The following SLC26A3 variants were observed in gnomAD, a reference collection of about 807,000 sequenced individuals.
The protein encoded by SLC26A3 is chloride anion exchanger.
Under a neutral mutation model 85.6 loss-of-function variants are expected in SLC26A3, and 64 were observed. The ratio of observed to expected loss-of-function variants is 0.75; its 90% CI spans 0.61 to 0.92. The LOEUF (loss-of-function observed/expected upper bound fraction) is 0.92. Ranked by LOEUF, SLC26A3 falls within the 40% of genes least tolerant of loss-of-function variation. The pLI is 0.00. For missense variants in SLC26A3, 922 were observed against 927.3 expected (o/e 0.99, Z 0.07); for synonymous variants, 349 against 336.0 (o/e 1.04, Z -0.42).
At position 107,774,159 on chromosome 7, in the gene SLC26A3, G is replaced by T; in HGVS notation, c.1774-6C>A. 1.3e-6 allele frequency: 2 copies of T among 1,591,352 alleles called. No homozygotes were observed. The highest frequency in any genetic ancestry group is 1.7e-6 in the Non-Finnish European group (2 of 1,159,214). On this transcript the variant is annotated splice_polypyrimidine_tract_variant and splice_region_variant and intron_variant, in intron 16 of 20. Transcript: ENST00000340010. The stretch of plus-strand genomic sequence containing the variant: ...ACAGTACATATAAATCCTTTCTGCA[G>T]GAGAGGATAACAAGTATGAAAACTG...
At position 107,776,596 on chromosome 7, in the gene SLC26A3, TATCATTTAGCAAGTCAAA is replaced by T. The variant is rs763792490; in HGVS notation, c.1584+23_1584+40del. 2.5e-6 allele frequency: 4 copies of T among 1,606,702 alleles called. No homozygotes were observed. In the South Asian group the frequency reaches 4.4e-5, roughly 18 times the overall value. On this transcript the variant is annotated intron_variant, in intron 14 of 20. Coordinates refer to ENST00000340010, the MANE Select transcript of SLC26A3 (RefSeq NM_000111.3). ...TGTTGCCCATTAGATCCATAGTTAA[TATCATTTAGCAAGTCAAA>T]GAAAAACATGAATCTCCCTTACATC...
intron 8 of SLC26A3, among the ~76,000 whole-genome samples, chr7:107,784,637 G>C (rs929141481): frequency 3.9e-5 from 6 of 152,116 alleles, no homozygotes; most frequent in African/African-American, 1.4e-4. Flanking sequence ...TTGCCATGTT[G>C]GCCAGGATGG....
In SLC26A3 at chr7:107,767,664, A is replaced by G. The variant is rs1375181540; in HGVS notation, c.2206-20T>C. 3.1e-6 allele frequency: 5 copies of G among 1,606,456 alleles called. No homozygotes were observed. The highest frequency in any genetic ancestry group is 1.3e-5 in the African/African-American group (1 of 74,750). On this transcript the variant is annotated intron_variant, in intron 19 of 20. Coordinates refer to ENST00000340010, the MANE Select transcript of SLC26A3 (RefSeq NM_000111.3). ...TTTTTCCTGAGAAAAAGAGAATGGA[A>G]ATATGGATTAGGGGCTGATTTTTTT...
At position 107,783,065 on chromosome 7, in the gene SLC26A3, A is replaced by G. The variant is rs1794237265; in HGVS notation, c.1148T>C (p.Ile383Thr). 2 of 1,614,070 alleles carry G rather than the reference A, an allele frequency of 1.2e-6. No homozygotes were observed. The highest frequency in any genetic ancestry group is 1.3e-5 in the African/African-American group (1 of 74,944). The change falls in exon 10 of 21, where the codon ATA becomes ACA. Residue 383 changes from isoleucine to threonine, a missense_variant. Transcript: ENST00000340010. ...AAATCCTCTGAATACTCCACAGACT[A>G]TGTTACCCAGTCCCAAGGCTATTAA... ...QELIALGLGN[I>T]VCGVFRGFAG...
At chr7:107,786,408 C>T (rs943487740) in intron 8 of SLC26A3, among the ~76,000 whole-genome samples, 1 of 152,082 alleles carries the variant, frequency 6.6e-6, no homozygotes, top group Non-Finnish European at 1.5e-5. Context: ...GTGATCCTCT[C>T]ACCTTGGCCT....
chr7:107,782,980 C>G lies in SLC26A3; in HGVS notation c.1233G>C (p.Gln411His). The part of the protein sequence containing the change: ...AVQESTGGKT[Q>H]IAGLIGAIIV... ...GCTTGCAGCAAAGATCTTGACATAC[C>G]TGTGTTTTGCCTCCTGTGCTCTCCT... Residue 411 changes from glutamine to histidine, a missense_variant and splice_region_variant, in exon 10 of 21, where the codon CAG becomes CAC. Coordinates refer to ENST00000340010, the MANE Select transcript of SLC26A3 (RefSeq NM_000111.3). 1 of 1,613,924 alleles carries G rather than the reference C, an allele frequency of 6.2e-7. No individual in the cohort carries two copies. The highest frequency in any genetic ancestry group is 8.5e-7 in the Non-Finnish European group (1 of 1,179,804).
At chr7:107,777,641 G>A (rs1372719841) in intron 13 of SLC26A3, among the ~76,000 whole-genome samples, 1 of 152,060 alleles carries the variant, frequency 6.6e-6, no homozygotes, top group African/African-American at 2.4e-5. Flanking sequence ...TGCTTGGACT[G>A]AATGATTATT....
chr7:107,797,516 A>AAAGAAAAGAG (rs1794527910), intron 1 of SLC26A3, among the ~76,000 whole-genome samples: 1 of 151,600 alleles, frequency 6.6e-6, no homozygotes, highest in African/African-American at 2.4e-5. Context: ...AAAGAAAAGA[A>AAAGAAAAGAG]ATCTTTCCAG....
At chr7:107,767,262 C>T (rs891093472) in intron 20 of SLC26A3, among the ~76,000 whole-genome samples, 2 of 152,148 alleles carry the variant, frequency 1.3e-5, no homozygotes, top group Non-Finnish European at 2.9e-5. Flanking sequence ...ACCTTCCCTG[C>T]TACGTGGATT....
chr7:107,788,751 TTTTTC>T (rs1247447126), intron 6 of SLC26A3, among the ~76,000 whole-genome samples: 3 of 151,420 alleles, frequency 2.0e-5, no homozygotes, highest in African/African-American at 2.4e-5. Context: ...TTCGTTTCCT[TTTTTC>T]TTTTCTTTTC....
intron 1 of SLC26A3, among the ~76,000 whole-genome samples, chr7:107,801,197 C>T (rs1794593920): frequency 6.6e-6 from 1 of 152,214 alleles, no homozygotes; most frequent in African/African-American, 2.4e-5. Flanking sequence ...AAATGACTTT[C>T]TCAACTTCCC....
intron 18 of SLC26A3, among the ~76,000 whole-genome samples, chr7:107,771,376 A>G (rs1794028060): frequency 1.3e-5 from 2 of 152,208 alleles, no homozygotes; most frequent in Admixed American, 1.3e-4. Flanking sequence ...ATTAACAAGT[A>G]GATGCACATG....
chr7:107,772,252 A>T, intron 17 of SLC26A3, 144 bp from the exon 18 acceptor site: 1 of 638,924 alleles, frequency 1.6e-6, no homozygotes, highest in South Asian at 1.8e-5. Flanking sequence ...GTGTCAGAAG[A>T]TACTAAAGTT....
intron 5 of SLC26A3, among the ~76,000 whole-genome samples, chr7:107,789,966 T>G (rs1207769599): frequency 6.6e-6 from 1 of 152,190 alleles, no homozygotes; most frequent in Non-Finnish European, 1.5e-5. Flanking sequence ...TATTTGCACT[T>G]AATTTATTTT....
At chr7:107,787,735 A>G (rs1168100608) in intron 6 of SLC26A3, among the ~76,000 whole-genome samples, 1 of 152,204 alleles carries the variant, frequency 6.6e-6, no homozygotes, top group Non-Finnish European at 1.5e-5. Flanking sequence ...CACTAGTTTA[A>G]GAATGCTTCT....
intron 15 of SLC26A3, 93 bp downstream of exon 15, chr7:107,776,359 C>A: frequency 9.4e-7 from 1 of 1,061,682 alleles, no homozygotes; most frequent in Non-Finnish European, 1.5e-6. Context: ...ATATGTGACA[C>A]AACCCAGTCT....
At position 107,783,238 on chromosome 7, in the gene SLC26A3, G is replaced by A. The variant is rs1228740619; in HGVS notation, c.1086C>T (p.Ser362=). 1.9e-6 allele frequency: 3 copies of A among 1,614,156 alleles called. No individual in the cohort carries two copies. Among genetic ancestry groups the A allele is most frequent in the Non-Finnish European group, 1.7e-6 (2 of 1,180,018 alleles). ...CATCAAGTGGATAATCGTATTTGAG[G>A]GAATAGACGCTGGCAACTGAAAAGG... ...AVAFSVASVY[S]LKYDYPLDGN... Residue 362 remains serine (S), a synonymous_variant, in exon 9 of 21, where the codon TCC becomes TCT. Transcript: ENST00000340010.
At chr7:107,793,973 CTAAAGAT>C in intron 2 of SLC26A3, 92 bp from the exon 3 acceptor site, 2 of 1,515,024 alleles carry the variant, frequency 1.3e-6, no homozygotes, top group Non-Finnish European at 1.8e-6. Flanking sequence ...TGGTAATATG[CTAAAGAT>C]TAAACTAGTA....
intron 12 of SLC26A3, 79 bp from the exon 13 acceptor site, chr7:107,778,360 C>T (rs1158928290): frequency 3.4e-3 from 1,575 of 464,364 alleles, no homozygotes; most frequent in South Asian, 5.0e-3. Flanking sequence ...TTTAAAAAGA[C>T]TTTTTTTTTT....
Sources: allele counts gnomAD v4.1 joint callset (sites outside exome capture counted in the v4.1 genomes callset), GRCh38; gene constraint gnomAD v4.1.1; transcripts MANE v1.5; gene names NCBI Gene and HGNC (gene_info 2026-07-23, HGNC 2026-07-21).